TMEM184B: variants seen among roughly 807,000 people sequenced by gnomAD.
TMEM184B encodes the protein transmembrane protein 184B, also known as putative MAPK-activating protein FM08.
A neutral mutation model predicts 41.8 loss-of-function variants in TMEM184B; 17 were observed. The observed-to-expected ratio is 0.41, with a 90% CI of 0.28 to 0.61. The LOEUF is 0.61. TMEM184B is among the 20% of genes least tolerant of loss of function. The probability of loss-of-function intolerance (pLI) is 0.34; values close to 1 mark genes in which losing one functional copy is unlikely to be tolerated. For synonymous variants in TMEM184B, 240 were observed against 229.5 expected, an observed-to-expected ratio of 1.05 and a Z score of -0.41; for missense variants, 393 against 557.8, an observed-to-expected ratio of 0.70 and a Z score of 2.98.
chr22:38,236,486 T>C (rs2091776313), intron 3 of TMEM184B, among the ~76,000 whole-genome samples: 1 of 151,988 alleles, frequency 6.6e-6, no homozygotes, highest in African/African-American at 2.4e-5. Flanking sequence ...TTTCCTTTTT[T>C]TGTTTTTTTT....
intron 3 of TMEM184B, among the ~76,000 whole-genome samples, chr22:38,241,053 G>A (rs143233710): frequency 6.6e-6 from 1 of 152,206 alleles, no homozygotes; most frequent in South Asian, 2.1e-4. Context: ...CAGCCTCCAC[G>A]GAACAGGTGA....
At chr22:38,230,278 C>T (rs899666174) in intron 5 of TMEM184B, among the ~76,000 whole-genome samples, 8 of 152,364 alleles carry the variant, frequency 5.3e-5, no homozygotes, top group East Asian at 3.9e-4. Flanking sequence ...GACGAAGAGA[C>T]GGCAGAGGCC....
rs766091900 is a variant in TMEM184B, at chr22:38,226,986, C to A, written c.526-116G>T. 3.0e-6 allele frequency: 3 copies of A among 996,336 alleles called. No homozygotes were observed. Among genetic ancestry groups the A allele is most frequent in the Non-Finnish European group, 4.5e-6 (3 of 668,976 alleles). 61.7% of individuals were successfully genotyped at this position (996,336 alleles called of 1,614,324 possible). On this transcript the variant is annotated intron_variant, in intron 5 of 8. Transcript: ENST00000361906. The surrounding 1 kb of genome is among the most constrained non-coding windows in gnomAD (Gnocchi z 4.6). Reference sequence around the variant, plus strand: ...GGAGGGACAGAGAGGATGAAGGAGACGGAGAGGACGGAGGGATGGAGGGAC... The same window carrying A: ...GGAGGGACAGAGAGGATGAAGGAGAAGGAGAGGACGGAGGGATGGAGGGAC...
intron 3 of TMEM184B, among the ~76,000 whole-genome samples, chr22:38,244,369 C>T (rs1206340632): frequency 7.2e-5 from 11 of 152,116 alleles, no homozygotes; most frequent in East Asian, 1.9e-4. Flanking sequence ...AAACCACATC[C>T]GGTCACTTTA....
At position 38,225,664 on chromosome 22, in the gene TMEM184B, C is replaced by CA; in HGVS notation, c.618-72dup. The stretch of plus-strand genomic sequence containing the variant: ...GAAGGGGCTCTCCTCGACTGCACCA[C>CA]ACACAGTCCCCATGGCTCTCAGCCC... On this transcript the variant is annotated intron_variant, in intron 6 of 8. Coordinates refer to ENST00000361906, the MANE Select transcript of TMEM184B (RefSeq NM_012264.5). This position sits in a 1 kb window ranked among gnomAD's most constrained non-coding sequence, Gnocchi z 4.4. 1 of 1,479,118 alleles carries CA rather than the reference C, an allele frequency of 6.8e-7. No individual in the cohort carries two copies. The highest frequency in any genetic ancestry group is 2.7e-5 in the East Asian group (1 of 37,550). 91.6% of individuals were successfully genotyped at this position (1,479,118 alleles called of 1,614,324 possible). A position where few individuals can be genotyped will look rare whatever the true frequency, so the allele number is the denominator to read the frequency against.
chr22:38,220,062 A>C lies in TMEM184B; in HGVS notation c.*1407T>G, dbSNP rs1462079963. The C allele has an allele frequency of 1.0e-6, 1 of 985,396 alleles. No individual in the cohort carries two copies. The highest frequency in any genetic ancestry group is 1.7e-5 in the African/African-American group (1 of 57,238). The allele number at this position is 985,396 out of a possible 1,614,324, so 61.0% of individuals were successfully genotyped here. The stretch of plus-strand genomic sequence containing the variant: ...CTTACCCTACCAGCTTCTCCAGGTG[A>C]CTGCAGCCCAAACCCAGGGATAATC... On this transcript the variant is annotated 3_prime_UTR_variant, in exon 9 of 9. Coordinates refer to ENST00000361906, the MANE Select transcript of TMEM184B (RefSeq NM_012264.5).
intron 1 of TMEM184B, among the ~76,000 whole-genome samples, chr22:38,257,862 T>C (rs543990647): frequency 5.9e-5 from 9 of 152,302 alleles, no homozygotes; most frequent in African/African-American, 1.7e-4. Flanking sequence ...AGCAGTGCTA[T>C]AGTGATAGGC....
chr22:38,234,149 T>G (rs889871147), intron 3 of TMEM184B, among the ~76,000 whole-genome samples: 3 of 152,190 alleles, frequency 2.0e-5, no homozygotes, highest in African/African-American at 7.2e-5. Context: ...TCCCTCCCTT[T>G]GTATCTGGTG....
At position 38,220,070 on chromosome 22, in the gene TMEM184B, C is replaced by T; in HGVS notation, c.*1399G>A. ...ACCAGCTTCTCCAGGTGACTGCAGC[C>T]CAAACCCAGGGATAATCTGGGTTTT... On this transcript the variant is annotated 3_prime_UTR_variant, in exon 9 of 9. Transcript: ENST00000361906. The T allele has an allele frequency of 1.0e-6, 1 of 985,530 alleles. No individual in the cohort carries two copies. The highest frequency in any genetic ancestry group is 1.2e-6 in the Non-Finnish European group (1 of 830,016). 61.0% of individuals were successfully genotyped at this position (985,530 alleles called of 1,614,324 possible).
intron 5 of TMEM184B, among the ~76,000 whole-genome samples, chr22:38,227,876 G>T (rs560427075): frequency 2.0e-5 from 3 of 152,326 alleles, no homozygotes; most frequent in African/African-American, 4.8e-5. Flanking sequence ...TTCCCTACGG[G>T]CGGACCCATG....
chr22:38,221,119 TAG>T lies in TMEM184B; in HGVS notation c.*348_*349del. ...TGAGAGTCTCGCGGGGAGGAGGGGCTAGAAGGCTGCAGCCGCTGGTCCACACA... is the reference window on the plus strand; with the variant it reads ...TGAGAGTCTCGCGGGGAGGAGGGGCTAAGGCTGCAGCCGCTGGTCCACACA... On this transcript the variant is annotated 3_prime_UTR_variant, in exon 9 of 9. Coordinates refer to ENST00000361906, the MANE Select transcript of TMEM184B (RefSeq NM_012264.5). The T allele has an allele frequency of 3.6e-6, 4 of 1,124,268 alleles. No individual in the cohort carries two copies. Among genetic ancestry groups the T allele is most frequent in the Non-Finnish European group, 4.4e-6 (4 of 916,212 alleles). The allele number at this position is 1,124,268 out of a possible 1,614,324, so 69.6% of individuals were successfully genotyped here. A position where few individuals can be genotyped will look rare whatever the true frequency, so the allele number is the denominator to read the frequency against.
intron 5 of TMEM184B, 74 bp downstream of exon 5, chr22:38,230,595 A>G (rs1343374055): frequency 6.7e-7 from 1 of 1,491,078 alleles, no homozygotes; most frequent in Admixed American, 1.9e-5. Flanking sequence ...GGTGGGGCCC[A>G]GGGCAGCCCA....
At chr22:38,258,694 T>G (rs1484957806) in intron 1 of TMEM184B, among the ~76,000 whole-genome samples, 1 of 152,138 alleles carries the variant, frequency 6.6e-6, no homozygotes, top group Non-Finnish European at 1.5e-5. Context: ...ATATAGTACT[T>G]TCATAGGAAA....
chr22:38,259,869 G>A (rs1055516679), intron 1 of TMEM184B, among the ~76,000 whole-genome samples: 2 of 151,126 alleles, frequency 1.3e-5, no homozygotes, highest in Admixed American at 6.6e-5. Context: ...TCTGCCTCCT[G>A]GGTTCAAGCA....
chr22:38,240,768 C>G (rs1602419249), intron 3 of TMEM184B, among the ~76,000 whole-genome samples: 1 of 143,324 alleles, frequency 7.0e-6, no homozygotes, highest in East Asian at 2.0e-4. Context: ...ACAAGCAGGT[C>G]ACACACACAT....
At chr22:38,271,130 G>A (rs189442318) in intron 1 of TMEM184B, among the ~76,000 whole-genome samples, 2 of 152,170 alleles carry the variant, frequency 1.3e-5, no homozygotes, top group South Asian at 2.1e-4. Flanking sequence ...AATTCACAGC[G>A]CCTTCTCCAC....
intron 1 of TMEM184B, among the ~76,000 whole-genome samples, chr22:38,260,699 C>A (rs1287591811): frequency 1.3e-5 from 2 of 152,218 alleles, no homozygotes; most frequent in African/African-American, 4.8e-5. Context: ...CTGAGAAGGT[C>A]TGGCACCATG....
At chr22:38,242,671 A>T (rs555597631) in intron 3 of TMEM184B, among the ~76,000 whole-genome samples, 1 of 152,310 alleles carries the variant, frequency 6.6e-6, no homozygotes, top group South Asian at 2.1e-4. Flanking sequence ...CTGCCCCATC[A>T]CTGACTCTGC....
At chr22:38,251,352 G>A (rs181395022) in intron 1 of TMEM184B, among the ~76,000 whole-genome samples, 1 of 152,204 alleles carries the variant, frequency 6.6e-6, no homozygotes, top group Non-Finnish European at 1.5e-5. Context: ...TGAGGAAAAC[G>A]ATGCAGAACT....
Sources: allele counts gnomAD v4.1 joint callset (sites outside exome capture counted in the v4.1 genomes callset), GRCh38; gene constraint gnomAD v4.1.1; non-coding constraint Gnocchi (gnomAD v3.1); transcripts MANE v1.5; gene names NCBI Gene and HGNC (gene_info 2026-07-23, HGNC 2026-07-21).